WDR93: variants seen among roughly 807,000 people sequenced by gnomAD.
WDR93 encodes WD repeat-containing protein 93.
Under a neutral mutation model 82.9 loss-of-function variants are expected in WDR93, and 73 were observed. That is an observed-to-expected ratio of 0.88 (90% confidence interval 0.73 to 1.07). The LOEUF (loss-of-function observed/expected upper bound fraction) is 1.07, where lower values mean the gene tolerates loss of function less well. Ranked by LOEUF, WDR93 falls within the 50% of genes least tolerant of loss-of-function variation. WDR93 has a pLI of 0.00. For synonymous variants in WDR93, 283 were observed against 300.1 expected (o/e 0.94, Z 0.59); for missense variants, 738 against 826.0 (o/e 0.89, Z 1.31).
At chr15:89,717,030 CTTTTCT>C (rs1158837736) in intron 7 of WDR93, 81 bp downstream of exon 7, 9 of 409,948 alleles carry the variant, frequency 2.2e-5, no homozygotes, top group Admixed American at 9.0e-5. Flanking sequence ...TTTTTCTTTT[CTTTTCT>C]TTTTCTTTCT....
intron 8 of WDR93, among the ~76,000 whole-genome samples, chr15:89,723,088 C>G (rs1210782007): frequency 6.6e-6 from 1 of 151,994 alleles, no homozygotes; most frequent in African/African-American, 2.4e-5. Flanking sequence ...GTGGTCCTGA[C>G]TACTTGGGAG....
chr15:89,692,136 T>C (rs1448872604), intron 1 of WDR93, among the ~76,000 whole-genome samples: 1 of 152,202 alleles, frequency 6.6e-6, no homozygotes, highest in Non-Finnish European at 1.5e-5. Context: ...CGTCTGCCCG[T>C]ACCTCTGCAA....
At chr15:89,705,415 A>C (rs1965682842) in intron 3 of WDR93, 139 bp from the exon 4 acceptor site, 1 of 682,438 alleles carries the variant, frequency 1.5e-6, no homozygotes, top group Non-Finnish European at 2.7e-6. Context: ...AGAGCAGCAT[A>C]GGCAGTGGAG....
chr15:89,703,197 G>T (rs765272809), intron 3 of WDR93, 55 bp downstream of exon 3: 1 of 1,591,372 alleles, frequency 6.3e-7, no homozygotes. Flanking sequence ...GTAGACTGTT[G>T]TCAATTTAAT....
intron 7 of WDR93, among the ~76,000 whole-genome samples, chr15:89,717,317 C>T (rs1476161906): frequency 1.3e-5 from 2 of 152,128 alleles, no homozygotes; most frequent in Non-Finnish European, 2.9e-5. Flanking sequence ...GCCTTGGCCT[C>T]CCAAAGTGCT....
intron 1 of WDR93, among the ~76,000 whole-genome samples, chr15:89,698,557 A>G (rs373039013): frequency 4.0e-5 from 6 of 151,408 alleles, no homozygotes; most frequent in African/African-American, 1.2e-4. Context: ...CATGTGTTTT[A>G]TTGCTTTTGT....
rs373783725 is a variant in WDR93, at chr15:89,729,111, G to A, written c.1123+18G>A. ...CCCCTCAGGTAAATGAACATGAAGT[G>A]GGTGGTTGTCCTAGCAAGGAGTCAC... is the stretch of plus-strand genomic sequence containing the variant. On this transcript the variant is annotated intron_variant, in intron 10 of 16. Coordinates refer to ENST00000268130, the MANE Select transcript of WDR93 (RefSeq NM_020212.2). 118 of 1,612,376 alleles carry A rather than the reference G, an allele frequency of 7.3e-5. 1 individual carries two copies. The African/African-American group carries it at 1.4e-3, about 20-fold the overall frequency.
chr15:89,700,486 A>G lies in WDR93; in HGVS notation c.-40-1221A>G, dbSNP rs191170006. 4.0e-5 allele frequency among the ~76,000 whole-genome samples: 6 copies of G among 151,824 alleles called. No homozygotes were observed. The East Asian group carries it at 7.7e-4, about 20-fold the overall frequency. On this transcript the variant is annotated intron_variant, in intron 1 of 16. Coordinates refer to ENST00000268130, the MANE Select transcript of WDR93 (RefSeq NM_020212.2). ...TATTAAGCACCTTAAAATTTATCTC[A>G]TGTTCTACATTAAATATTTTTTTAA...
chr15:89,690,507 G>T, upstream of WDR93: 2 of 1,178,668 alleles, frequency 1.7e-6, no homozygotes, highest in African/African-American at 1.5e-5. Flanking sequence ...TTTTTCCCGG[G>T]TGCAGGGGAA....
intron 4 of WDR93, 90 bp downstream of exon 4, chr15:89,705,708 G>A: frequency 2.2e-6 from 2 of 890,984 alleles, no homozygotes; most frequent in Non-Finnish European, 3.7e-6. Context: ...AGCTGGCCTA[G>A]ATTAGAAAGA....
rs2141742119 is a variant in WDR93, at chr15:89,743,513, T to G, written c.*122T>G. The G allele has an allele frequency of 3.4e-6, 3 of 893,834 alleles. No individual in the cohort carries two copies. The highest frequency in any genetic ancestry group is 3.1e-5 in the South Asian group (2 of 63,964). The allele number at this position is 893,834 out of a possible 1,614,324, so 55.4% of individuals were successfully genotyped here. On this transcript the variant is annotated 3_prime_UTR_variant, in exon 17 of 17. Coordinates refer to ENST00000268130, the MANE Select transcript of WDR93 (RefSeq NM_020212.2). ...GCTCCACAGGCCTGCACTCGGAGTC[T>G]GGGGCCTCTGCAGAGCCAGCAAGGG...
At chr15:89,699,709 G>A (rs1274550897) in intron 1 of WDR93, among the ~76,000 whole-genome samples, 1 of 151,188 alleles carries the variant, frequency 6.6e-6, no homozygotes, top group East Asian at 1.9e-4. Flanking sequence ...CTTTTCTTCT[G>A]GCCATCTAAT....
At chr15:89,721,377 C>G (rs138351070) in intron 7 of WDR93, 2 of 152,144 alleles carry the variant, frequency 1.3e-5, no homozygotes, top group East Asian at 1.9e-4. Flanking sequence ...AGCAGCATGG[C>G]GAGACCTCAT....
intron 3 of WDR93, chr15:89,704,961 A>G (rs1383673008): frequency 6.5e-6 from 1 of 154,512 alleles, no homozygotes; most frequent in Non-Finnish European, 1.4e-5. Flanking sequence ...TAGTATAGAG[A>G]GGCAAGTCAT....
intron 13 of WDR93, 42 bp from the exon 14 acceptor site, chr15:89,735,448 C>T (rs370919290): frequency 6.3e-7 from 1 of 1,596,972 alleles, no homozygotes; most frequent in Non-Finnish European, 8.6e-7. Context: ...AACTTTTAAA[C>T]TCTTAAAGTA....
At chr15:89,699,783 G>A (rs1488267781) in intron 1 of WDR93, among the ~76,000 whole-genome samples, 1 of 152,026 alleles carries the variant, frequency 6.6e-6, no homozygotes, top group African/African-American at 2.4e-5. Context: ...CCTTGTAGCT[G>A]TGTCTCTAAA....
At chr15:89,724,991 C>T (rs1966676669) in intron 8 of WDR93, among the ~76,000 whole-genome samples, 1 of 152,048 alleles carries the variant, frequency 6.6e-6, no homozygotes, top group Non-Finnish European at 1.5e-5. Context: ...TACCAGTTTG[C>T]CTGACTGAGG....
chr15:89,737,672 G>A lies in WDR93; in HGVS notation c.1708G>A (p.Val570Ile). ...FAPPGAFPLE[V>I]PWKPVFAVSP... is the part of the protein sequence containing the mutation. Reference sequence around the variant, plus strand: ...CCCTCCGGGAGCCTTTCCTCTGGAGGTCCCCTGGAAGCCAGTGTTTGCTGT... The same window carrying A: ...CCCTCCGGGAGCCTTTCCTCTGGAGATCCCCTGGAAGCCAGTGTTTGCTGT... The change falls in exon 15 of 17, where the codon GTC (valine) becomes ATC (isoleucine). Residue 570 changes from valine to isoleucine, a missense_variant. Transcript: ENST00000268130. 6.2e-7 allele frequency: 1 copy of A among 1,614,168 alleles called. No homozygotes were observed. The highest frequency in any genetic ancestry group is 8.5e-7 in the Non-Finnish European group (1 of 1,180,036).
intron 13 of WDR93, 146 bp from the exon 14 acceptor site, chr15:89,735,344 T>C (rs1225523547): frequency 7.5e-6 from 5 of 662,484 alleles, no homozygotes; most frequent in African/African-American, 7.2e-5. Context: ...ATATTTGGAT[T>C]GTTCTTAATT....
Sources: gnomAD v4.1 joint callset for allele counts (sites outside exome capture counted in the v4.1 genomes callset) on GRCh38, gnomAD v4.1.1 for gene constraint, MANE v1.5 for transcripts, NCBI Gene and HGNC (gene_info 2026-07-23, HGNC 2026-07-21) for gene names.